DOCK2: variants seen among roughly 807,000 people sequenced by gnomAD.
The protein encoded by DOCK2 is dedicator of cytokinesis protein 2.
DOCK2 carries 87 observed loss-of-function variants against 248.9 expected under a neutral mutation model. The observed-to-expected ratio is 0.35, with a 90% CI of 0.29 to 0.42. The LOEUF is 0.42. Among genes scored for constraint, DOCK2 ranks in the 10% least tolerant of loss-of-function variants. The pLI is 1.00. For missense variants in DOCK2, 1,747 were observed against 2,300.2 expected (o/e 0.76, Z 4.92); for synonymous variants, 805 against 821.6 (o/e 0.98, Z 0.35).
chr5:169,946,680 C>T (rs146450652), intron 27 of DOCK2, among the ~76,000 whole-genome samples: 9 of 152,296 alleles, frequency 5.9e-5, no homozygotes, highest in Admixed American at 2.6e-4. Flanking sequence ...CCTGGAGCTA[C>T]GTTCTAATGG....
intron 27 of DOCK2, among the ~76,000 whole-genome samples, chr5:169,879,284 G>A (rs1242833127): frequency 6.6e-6 from 1 of 152,164 alleles, no homozygotes; most frequent in Admixed American, 6.5e-5. Flanking sequence ...CTGGGGATGA[G>A]TATTTCACAT....
intron 26 of DOCK2, among the ~76,000 whole-genome samples, chr5:169,822,219 A>G (rs1251226115): frequency 2.0e-5 from 3 of 152,224 alleles, no homozygotes; most frequent in Admixed American, 6.5e-5. Context: ...CCAGACAGAA[A>G]GTTAACAAGG....
chr5:169,992,194 A>T (rs1425839265), intron 29 of DOCK2, among the ~76,000 whole-genome samples: 1 of 152,186 alleles, frequency 6.6e-6, no homozygotes, highest in Non-Finnish European at 1.5e-5. Flanking sequence ...TAACTCAGAG[A>T]TATGTGAGCA....
chr5:169,730,841 A>G (rs1018695636), intron 22 of DOCK2, among the ~76,000 whole-genome samples: 2 of 151,454 alleles, frequency 1.3e-5, no homozygotes, highest in Admixed American at 1.3e-4. Context: ...GAACAAGTTT[A>G]TTTTTTAATT....
intron 51 of DOCK2, 100 bp from the exon 52 acceptor site, chr5:170,082,696 G>T (rs1758076395): frequency 3.5e-6 from 5 of 1,438,342 alleles, no homozygotes; most frequent in Non-Finnish European, 4.8e-6. Flanking sequence ...TTGGGCAGGG[G>T]TCAGTGTTGA....
At chr5:169,674,043 T>C (rs1759192413) in intron 5 of DOCK2, among the ~76,000 whole-genome samples, 1 of 152,186 alleles carries the variant, frequency 6.6e-6, no homozygotes, top group South Asian at 2.1e-4. Context: ...TTAGATAAAG[T>C]CAGAAATCAC....
chr5:169,824,610 A>G (rs1252335793), intron 26 of DOCK2, among the ~76,000 whole-genome samples: 1 of 152,234 alleles, frequency 6.6e-6, no homozygotes, highest in African/African-American at 2.4e-5. Context: ...TACACCTTAT[A>G]CAAAAATTAA....
At chr5:169,856,124 G>T (rs1770877424) in intron 27 of DOCK2, among the ~76,000 whole-genome samples, 1 of 152,086 alleles carries the variant, frequency 6.6e-6, no homozygotes, top group Non-Finnish European at 1.5e-5. Flanking sequence ...CCTCTCACCA[G>T]GTCTCTCTGT....
intron 44 of DOCK2, among the ~76,000 whole-genome samples, chr5:170,066,893 T>G (rs764793287): frequency 3.9e-5 from 6 of 152,192 alleles, no homozygotes; most frequent in Non-Finnish European, 5.9e-5. Context: ...ATCTGGCCCT[T>G]TTACAGAAAA....
intron 27 of DOCK2, among the ~76,000 whole-genome samples, chr5:169,860,928 T>C (rs1250174456): frequency 6.6e-6 from 1 of 152,228 alleles, no homozygotes; most frequent in Non-Finnish European, 1.5e-5. Context: ...GAACATGATA[T>C]TGTTTTTCTT....
chr5:169,854,625 G>A (rs1308258394), intron 27 of DOCK2, among the ~76,000 whole-genome samples: 1 of 152,264 alleles, frequency 6.6e-6, no homozygotes, highest in Non-Finnish European at 1.5e-5. Context: ...GTCAGGGGCA[G>A]AAGTCAGGAC....
intron 23 of DOCK2, 42 bp downstream of exon 23, chr5:169,747,546 T>G: frequency 3.7e-5 from 55 of 1,496,188 alleles, no homozygotes; most frequent in Non-Finnish European, 4.7e-5. Flanking sequence ...TCCTTGGCCA[T>G]CCAGTAAATA....
chr5:170,037,834 G>T (rs1340981729), intron 36 of DOCK2, among the ~76,000 whole-genome samples: 1 of 152,156 alleles, frequency 6.6e-6, no homozygotes, highest in Non-Finnish European at 1.5e-5. Flanking sequence ...TCCTTATGAG[G>T]CTGGAGCCCT....
At chr5:169,727,402 G>A (rs1162314276) in intron 22 of DOCK2, among the ~76,000 whole-genome samples, 1 of 152,168 alleles carries the variant, frequency 6.6e-6, no homozygotes, top group Non-Finnish European at 1.5e-5. Context: ...GGTTCTTGCT[G>A]TTGTGCTGTA....
rs771461758 is a variant in DOCK2 at position 169,803,205 on chromosome 5, C to T, written c.2702C>T (p.Ala901Val). ...TTGGAAGTCCTTAGCTACCAGGATG[C>T]GGTGAGTCCTCCTGATGATGTAGAT... Reference protein sequence around the residue: ...SILEVLSYQDAAFTYHHIQEI... With the variant: ...SILEVLSYQDVAFTYHHIQEI... Residue 901 changes from alanine to valine, a missense_variant and splice_region_variant, in exon 26 of 52, where the codon GCG becomes GTG. By Grantham distance (64) the Ala-to-Val change is moderately conservative. Transcript: ENST00000520908. 4.3e-6 allele frequency: 7 copies of T among 1,612,340 alleles called. No individual in the cohort carries two copies. Among genetic ancestry groups the T allele is most frequent in the East Asian group, 4.5e-5 (2 of 44,836 alleles).
chr5:169,857,592 A>G (rs1432513319), intron 27 of DOCK2, among the ~76,000 whole-genome samples: 1 of 152,184 alleles, frequency 6.6e-6, no homozygotes, highest in Non-Finnish European at 1.5e-5. Context: ...CCTTGGGCAT[A>G]TTACCAGTGG....
rs1248380098 is a variant in DOCK2 at position 169,800,944 on chromosome 5, C to CTTTCTTTTTTTTTTTTTTT, written c.2555-2111_2555-2110insCTTTTTTTTTTTTTTTTTT. Among the ~76,000 whole-genome samples the CTTTCTTTTTTTTTTTTTTT allele has an allele frequency of 2.6e-4, 14 of 53,192 alleles. 2 individuals are homozygous for CTTTCTTTTTTTTTTTTTTT. The highest frequency in any genetic ancestry group is 1.3e-3 in the African/African-American group (9 of 7,136). The allele number at this position is 53,192 out of a possible 152,430, so 34.9% of individuals were successfully genotyped here. A position where few individuals can be genotyped will look rare whatever the true frequency, so the allele number is the denominator to read the frequency against. ...TTTTTCTTTTTTCTTTTCTTTCTTT[C>CTTTCTTTTTTTTTTTTTTT]TTTTTTTTTTTTTTTTTTTTTTTTT... On this transcript the variant is annotated intron_variant, in intron 25 of 51. Coordinates refer to ENST00000520908, the MANE Select transcript of DOCK2 (RefSeq NM_004946.3).
intron 23 of DOCK2, among the ~76,000 whole-genome samples, chr5:169,756,863 T>C (rs2113723670): frequency 6.6e-6 from 1 of 151,270 alleles, no homozygotes; most frequent in African/African-American, 2.4e-5. Flanking sequence ...AGGTGGAGTT[T>C]GCAGTGAGCT....
intron 34 of DOCK2, among the ~76,000 whole-genome samples, chr5:170,028,752 C>T (rs1260184332): frequency 6.6e-5 from 10 of 151,292 alleles, no homozygotes; most frequent in African/African-American, 2.5e-4. Context: ...CACACACACA[C>T]ACACACACAC....
Sources: gnomAD v4.1 joint callset for allele counts (sites outside exome capture counted in the v4.1 genomes callset) on GRCh38, gnomAD v4.1.1 for gene constraint, MANE v1.5 for transcripts, NCBI Gene and HGNC (gene_info 2026-07-23, HGNC 2026-07-21) for gene names.